The following SHROOM3 variants were observed in gnomAD, a reference collection of about 807,000 sequenced individuals.
SHROOM3 encodes shroom family member 3, also known as protein Shroom3.
A neutral mutation model predicts 138.6 loss-of-function variants in SHROOM3; 47 were observed. The ratio of observed to expected loss-of-function variants is 0.34; its 90% CI spans 0.27 to 0.43. The LOEUF (loss-of-function observed/expected upper bound fraction) is 0.43. SHROOM3 is among the 20% of genes least tolerant of loss of function. The pLI is 1.00. For synonymous variants in SHROOM3, 1,062 were observed against 1,063.3 expected (o/e 1.00, Z 0.02); for missense variants, 2,491 against 2,596.5 (o/e 0.96, Z 0.88).
At chr4:76,541,356 T>G (rs568940447) in intron 1 of SHROOM3, among the ~76,000 whole-genome samples, 1 of 152,264 alleles carries the variant, frequency 6.6e-6, no homozygotes, top group South Asian at 2.1e-4. Flanking sequence ...TCCTTTAAAT[T>G]TAAAGAAAAT....
At chr4:76,572,279 A>G (rs1164559143) in intron 2 of SHROOM3, among the ~76,000 whole-genome samples, 1 of 152,256 alleles carries the variant, frequency 6.6e-6, no homozygotes. Context: ...GGTTGTCAAC[A>G]TCTTACCCTA....
chr4:76,565,764 C>A (rs1305798821), intron 2 of SHROOM3, among the ~76,000 whole-genome samples: 1 of 152,116 alleles, frequency 6.6e-6, no homozygotes, highest in African/African-American at 2.4e-5. Flanking sequence ...CCAAGTCCAG[C>A]CTCAGAGAGT....
chr4:76,752,902 C>T (rs1457460437), intron 6 of SHROOM3, among the ~76,000 whole-genome samples: 4 of 152,164 alleles, frequency 2.6e-5, no homozygotes, highest in African/African-American at 9.7e-5. Flanking sequence ...CTGAATTAGT[C>T]GTTAAAACAT....
At chr4:76,606,030 T>C (rs1229109507) in intron 2 of SHROOM3, among the ~76,000 whole-genome samples, 2 of 127,808 alleles carry the variant, frequency 1.6e-5, no homozygotes, top group Admixed American at 8.0e-5. Context: ...TTTTTTTTTT[T>C]CTGAGACGGA....
chr4:76,638,257 T>C (rs963318137), intron 2 of SHROOM3, among the ~76,000 whole-genome samples: 3 of 152,234 alleles, frequency 2.0e-5, no homozygotes, highest in Non-Finnish European at 4.4e-5. Context: ...AATGCATGGG[T>C]TGCCTCTGAC....
intron 1 of SHROOM3, among the ~76,000 whole-genome samples, chr4:76,500,204 A>G (rs56717028): frequency 0.061 from 9,233 of 152,090 alleles, 357 homozygotes; most frequent in African/African-American, 0.11. Context: ...GGGACCCAGG[A>G]TGCTGAGCTG....
At chr4:76,469,468 T>G (rs1194571047) in intron 1 of SHROOM3, among the ~76,000 whole-genome samples, 1 of 152,088 alleles carries the variant, frequency 6.6e-6, no homozygotes, top group Non-Finnish European at 1.5e-5. Flanking sequence ...ATTGTCTTTT[T>G]TTTTTTGAGA....
chr4:76,764,371 T>C (rs1285571402), intron 9 of SHROOM3, among the ~76,000 whole-genome samples: 1 of 152,212 alleles, frequency 6.6e-6, no homozygotes, highest in African/African-American at 2.4e-5. Flanking sequence ...TTCAGAAACT[T>C]AGAGGAATAT....
At chr4:76,470,806 C>A (rs1202856938) in intron 1 of SHROOM3, among the ~76,000 whole-genome samples, 1 of 152,100 alleles carries the variant, frequency 6.6e-6, no homozygotes, top group Non-Finnish European at 1.5e-5. Flanking sequence ...TACCACCAAG[C>A]CAACCATGGG....
chr4:76,724,886 G>C (rs1370208903), intron 3 of SHROOM3, among the ~76,000 whole-genome samples: 2 of 152,088 alleles, frequency 1.3e-5, no homozygotes, highest in Non-Finnish European at 2.9e-5. Flanking sequence ...AAAATCATTT[G>C]CTAGATGTTG....
intron 1 of SHROOM3, among the ~76,000 whole-genome samples, chr4:76,516,987 T>A (rs2110008149): frequency 6.6e-6 from 1 of 152,332 alleles, no homozygotes; most frequent in East Asian, 1.9e-4. Flanking sequence ...CTTCTATTTA[T>A]CTTGTTATTA....
intron 2 of SHROOM3, among the ~76,000 whole-genome samples, chr4:76,620,516 T>C (rs898269689): frequency 6.6e-6 from 1 of 152,102 alleles, no homozygotes; most frequent in Non-Finnish European, 1.5e-5. Context: ...TAAGAACACA[T>C]TGTTTCAGAG....
intron 2 of SHROOM3, among the ~76,000 whole-genome samples, chr4:76,658,001 AG>A (rs1430261640): frequency 1.3e-5 from 2 of 152,244 alleles, no homozygotes; most frequent in Admixed American, 1.3e-4. Context: ...AGCATAAGCC[AG>A]GGCAAATCAC....
chr4:76,451,108 C>T (rs1005054049), intron 1 of SHROOM3, among the ~76,000 whole-genome samples: 4 of 152,084 alleles, frequency 2.6e-5, no homozygotes, highest in African/African-American at 9.7e-5. Context: ...TGCCACCATG[C>T]CTGGCTAATT....
chr4:76,497,600 G>A (rs1731995939), intron 1 of SHROOM3, among the ~76,000 whole-genome samples: 1 of 152,208 alleles, frequency 6.6e-6, no homozygotes, highest in African/African-American at 2.4e-5. Flanking sequence ...GCTCATGCCT[G>A]TAATCCCAGC....
At chr4:76,778,240 G>A (rs377042229) in intron 10 of SHROOM3, among the ~76,000 whole-genome samples, 1 of 94,750 alleles carries the variant, frequency 1.1e-5, no homozygotes, top group Non-Finnish European at 2.2e-5. Context: ...TTTTTTTTTT[G>A]AGACAAGAGT....
chr4:76,752,926 A>T (rs1417780525), intron 6 of SHROOM3, among the ~76,000 whole-genome samples: 2 of 152,140 alleles, frequency 1.3e-5, no homozygotes, highest in Non-Finnish European at 2.9e-5. Context: ...ATTTCAACTG[A>T]CTCCACATCC....
At chr4:76,645,416 C>T (rs1411857770) in intron 2 of SHROOM3, 1 of 152,188 alleles carries the variant, frequency 6.6e-6, no homozygotes, top group Non-Finnish European at 1.5e-5. Flanking sequence ...ATGAGTGGAG[C>T]TGTCGACCAC....
chr4:76,582,603 G>C (rs1274740440), intron 2 of SHROOM3, among the ~76,000 whole-genome samples: 1 of 152,132 alleles, frequency 6.6e-6, no homozygotes, highest in Non-Finnish European at 1.5e-5. Flanking sequence ...TTATAAAATG[G>C]CAATTAGGAG....
Sources: gnomAD v4.1 joint callset for allele counts (sites outside exome capture counted in the v4.1 genomes callset) on GRCh38, gnomAD v4.1.1 for gene constraint, MANE v1.5 for transcripts, NCBI Gene and HGNC (gene_info 2026-07-23, HGNC 2026-07-21) for gene names.